The following MGMT variants were observed in gnomAD, a reference collection of about 807,000 sequenced individuals.
MGMT encodes O-6-methylguanine-DNA methyltransferase.
A neutral mutation model predicts 15.9 loss-of-function variants in MGMT; 14 were observed. That is an observed-to-expected ratio of 0.88 (90% CI 0.58 to 1.37). The LOEUF is 1.37. Ranked by LOEUF, MGMT falls within the 40% of genes most tolerant of loss-of-function variation. The pLI is 0.00. For missense variants in MGMT, 282 were observed against 268.1 expected, an observed-to-expected ratio of 1.05 and a Z score of -0.36; for synonymous variants, 130 against 118.2, an observed-to-expected ratio of 1.10 and a Z score of -0.65.
At chr10:129,501,409 T>C (rs1443853371) in intron 1 of MGMT, among the ~76,000 whole-genome samples, 2 of 152,068 alleles carry the variant, frequency 1.3e-5, no homozygotes, top group African/African-American at 4.8e-5. Flanking sequence ...CCTTGGAAAA[T>C]TGAGGGTTTA....
intron 3 of MGMT, among the ~76,000 whole-genome samples, chr10:129,727,782 C>T (rs939860731): frequency 3.3e-5 from 5 of 152,148 alleles, no homozygotes; most frequent in African/African-American, 1.2e-4. Flanking sequence ...TGAGGAGCCC[C>T]GGGTAAGCCA....
chr10:129,488,004 T>TACACAC (rs373298935), intron 1 of MGMT, among the ~76,000 whole-genome samples: 5,353 of 121,418 alleles, frequency 0.044, 148 homozygotes, highest in South Asian at 0.064. Context: ...CACATAGGTA[T>TACACAC]ACACACACAC....
intron 2 of MGMT, among the ~76,000 whole-genome samples, chr10:129,684,570 C>T (rs138170412): frequency 2.0e-5 from 3 of 152,296 alleles, no homozygotes; most frequent in African/African-American, 7.2e-5. Flanking sequence ...TCTGTGAATA[C>T]ACGTAAGTGA....
intron 2 of MGMT, among the ~76,000 whole-genome samples, chr10:129,579,588 G>T (rs577499340): frequency 1.3e-5 from 2 of 152,304 alleles, no homozygotes; most frequent in East Asian, 1.9e-4. Flanking sequence ...TATTTACCTT[G>T]GGCCTGGCGC....
At chr10:129,485,292 T>C (rs908161051) in intron 1 of MGMT, among the ~76,000 whole-genome samples, 1 of 152,132 alleles carries the variant, frequency 6.6e-6, no homozygotes, top group African/African-American at 2.4e-5. Context: ...TTTTGTTCTT[T>C]TTGAATTCTA....
chr10:129,553,610 T>C (rs1031234165), intron 2 of MGMT, among the ~76,000 whole-genome samples: 1 of 152,218 alleles, frequency 6.6e-6, no homozygotes, highest in African/African-American at 2.4e-5. Flanking sequence ...GGCACCATGC[T>C]GACGGAATGA....
intron 2 of MGMT, among the ~76,000 whole-genome samples, chr10:129,622,027 A>G (rs556632828): frequency 1.3e-5 from 2 of 152,344 alleles, no homozygotes; most frequent in South Asian, 4.1e-4. Flanking sequence ...TTTGTTTTAC[A>G]TCTTTTGATT....
intron 2 of MGMT, among the ~76,000 whole-genome samples, chr10:129,683,785 T>A (rs986821265): frequency 6.6e-6 from 1 of 152,202 alleles, no homozygotes; most frequent in Non-Finnish European, 1.5e-5. Flanking sequence ...GCTCCTATAA[T>A]TGCTGTGGAA....
intron 2 of MGMT, among the ~76,000 whole-genome samples, chr10:129,683,428 T>C (rs771935652): frequency 2.0e-5 from 3 of 152,106 alleles, no homozygotes; most frequent in Non-Finnish European, 4.4e-5. Flanking sequence ...TTGAACAACA[T>C]AAAAAATTGG....
Position 129,768,193 on chromosome 10 carries a change from G to A in MGMT, c.*1196G>A, listed in dbSNP as rs369334525. ...CTCACGATGTGTATGGTTGGGACCC[G>A]CCTTCTATTTCATTTTATCTTAACA... is the stretch of plus-strand genomic sequence containing the variant. On this transcript the variant is annotated 3_prime_UTR_variant, in exon 5 of 5. Coordinates refer to ENST00000651593, the MANE Select transcript of MGMT (RefSeq NM_002412.5). Among the ~76,000 whole-genome samples, 5 of 152,238 alleles carry A rather than the reference G, an allele frequency of 3.3e-5. No individual in the cohort carries two copies. Among genetic ancestry groups the A allele is most frequent in the Admixed American group, 6.5e-5 (1 of 15,302 alleles).
intron 2 of MGMT, among the ~76,000 whole-genome samples, chr10:129,702,336 A>G (rs2133136571): frequency 6.6e-6 from 1 of 152,334 alleles, no homozygotes; most frequent in East Asian, 1.9e-4. Flanking sequence ...ACGCCCAGCA[A>G]AGCTGGGCTG....
chr10:129,642,936 GAA>G (rs1037054955), intron 2 of MGMT, among the ~76,000 whole-genome samples: 1 of 145,464 alleles, frequency 6.9e-6, no homozygotes. Context: ...TGTCTCTTAA[GAA>G]AAAAAAAAGA....
intron 2 of MGMT, among the ~76,000 whole-genome samples, chr10:129,593,401 C>T (rs1370543474): frequency 6.6e-6 from 1 of 152,226 alleles, no homozygotes; most frequent in East Asian, 1.9e-4. Flanking sequence ...GCCTCCCCAG[C>T]TCTCTTGAGC....
intron 2 of MGMT, among the ~76,000 whole-genome samples, chr10:129,655,797 GCT>G (rs1456556900): frequency 2.6e-5 from 4 of 152,318 alleles, no homozygotes; most frequent in South Asian, 2.1e-4. Context: ...TCATGCTCAT[GCT>G]CTCTAAATCT....
At chr10:129,690,379 A>G (rs764643810) in intron 2 of MGMT, among the ~76,000 whole-genome samples, 1 of 152,134 alleles carries the variant, frequency 6.6e-6, no homozygotes, top group Non-Finnish European at 1.5e-5. Context: ...TGAGGTTTTC[A>G]CTTATTCACT....
chr10:129,705,611 G>A (rs1848151422), intron 2 of MGMT, among the ~76,000 whole-genome samples: 1 of 152,340 alleles, frequency 6.6e-6, no homozygotes, highest in South Asian at 2.1e-4. Context: ...CACAGGAAAA[G>A]CGAGAACTAA....
At chr10:129,557,456 TTG>T in intron 2 of MGMT, among the ~76,000 whole-genome samples, 1 of 152,228 alleles carries the variant, frequency 6.6e-6, no homozygotes, top group East Asian at 1.9e-4. Flanking sequence ...AATCATTGTG[TTG>T]CTGCATATAT....
At chr10:129,576,300 A>G (rs1490492637) in intron 2 of MGMT, among the ~76,000 whole-genome samples, 3 of 152,182 alleles carry the variant, frequency 2.0e-5, no homozygotes, top group African/African-American at 4.8e-5. Context: ...AATACTGGCA[A>G]ACCAAATCCA....
At chr10:129,526,537 T>A (rs1339951803) in intron 1 of MGMT, among the ~76,000 whole-genome samples, 1 of 152,188 alleles carries the variant, frequency 6.6e-6, no homozygotes, top group Non-Finnish European at 1.5e-5. Flanking sequence ...TTCGTTTTTA[T>A]GTTTTTGAGG....
Sources: gnomAD v4.1 joint callset for allele counts (sites outside exome capture counted in the v4.1 genomes callset) on GRCh38, gnomAD v4.1.1 for gene constraint, MANE v1.5 for transcripts, NCBI Gene and HGNC (gene_info 2026-07-23, HGNC 2026-07-21) for gene names.